The following KLHL29 variants were observed in gnomAD, a reference collection of about 807,000 sequenced individuals.
KLHL29 encodes the protein kelch-like protein 29.
Under a neutral mutation model 80.4 loss-of-function variants are expected in KLHL29, and 21 were observed. The observed-to-expected ratio is 0.26, with a 90% CI of 0.19 to 0.38. The LOEUF (loss-of-function observed/expected upper bound fraction) is 0.38, where lower values mean the gene tolerates loss of function less well. Ranked by LOEUF, KLHL29 falls within the 10% of genes least tolerant of loss-of-function variation. The pLI is 1.00. For synonymous variants in KLHL29, 511 were observed against 526.8 expected (o/e 0.97, Z 0.41); for missense variants, 867 against 1,223.9 (o/e 0.71, Z 4.35).
intron 3 of KLHL29, among the ~76,000 whole-genome samples, chr2:23,629,084 G>C (rs543221512): frequency 6.6e-6 from 1 of 152,344 alleles, no homozygotes; most frequent in South Asian, 2.1e-4. Context: ...GGGCGGCGGG[G>C]CCTCTGAGCA....
chr2:23,535,719 G>A (rs4665604), intron 2 of KLHL29, among the ~76,000 whole-genome samples: 113,636 of 152,118 alleles, frequency 0.75, 43,269 homozygotes, highest in East Asian at 0.9. Flanking sequence ...TCATAGAGAC[G>A]GAAAGTAGAA....
chr2:23,477,134 T>C (rs1664661719), intron 2 of KLHL29, among the ~76,000 whole-genome samples: 1 of 152,258 alleles, frequency 6.6e-6, no homozygotes, highest in Non-Finnish European at 1.5e-5. Flanking sequence ...CAGGGCCTAG[T>C]GCTGGGTGAG....
intron 3 of KLHL29, among the ~76,000 whole-genome samples, chr2:23,614,968 C>T (rs960963572): frequency 8.5e-5 from 13 of 152,190 alleles, no homozygotes; most frequent in Non-Finnish European, 1.5e-4. Flanking sequence ...TCAGCTCCGC[C>T]TCCAGCAAAA....
intron 3 of KLHL29, among the ~76,000 whole-genome samples, chr2:23,615,082 CCA>C (rs1668970502): frequency 6.6e-6 from 1 of 152,250 alleles, no homozygotes; most frequent in African/African-American, 2.4e-5. Context: ...GGCGCTTCTT[CCA>C]CGTCCTATCC....
At chr2:23,621,716 C>A (rs920973951) in intron 3 of KLHL29, among the ~76,000 whole-genome samples, 1 of 152,144 alleles carries the variant, frequency 6.6e-6, no homozygotes, top group Non-Finnish European at 1.5e-5. Context: ...AAGGCGCTGC[C>A]AAAATGAAGT....
rs186680171 is a variant in KLHL29 at position 23,503,172 on chromosome 2, C to T, written c.-46+27505C>T. Among the ~76,000 whole-genome samples, 2 of 152,328 alleles carry T rather than the reference C, an allele frequency of 1.3e-5. No individual in the cohort carries two copies. The highest frequency in any genetic ancestry group is 3.9e-4 in the East Asian group (2 of 5,188). ...AAAATGCACAGGGCTACGGCAAGGG[C>T]AGGCAGATCTGAGTGGAGGCTGCTG... On this transcript the variant is annotated intron_variant, in intron 2 of 13. Coordinates refer to ENST00000486442, the MANE Select transcript of KLHL29 (RefSeq NM_052920.2). This position sits in a 1 kb window ranked among gnomAD's most constrained non-coding sequence, Gnocchi z 4.0.
chr2:23,419,457 C>A (rs562012069), intron 1 of KLHL29, among the ~76,000 whole-genome samples: 20 of 151,680 alleles, frequency 1.3e-4, no homozygotes, highest in Non-Finnish European at 2.7e-4. Flanking sequence ...AGCCCACAGC[C>A]GGGGTGACTG....
chr2:23,393,665 G>T (rs1001228388), intron 1 of KLHL29, among the ~76,000 whole-genome samples: 9 of 152,094 alleles, frequency 5.9e-5, no homozygotes, highest in African/African-American at 2.2e-4. Context: ...TCTCGAGATG[G>T]GTGTGAATAG....
chr2:23,491,259 C>G (rs1486641158), intron 2 of KLHL29, among the ~76,000 whole-genome samples: 1 of 152,128 alleles, frequency 6.6e-6, no homozygotes, highest in Non-Finnish European at 1.5e-5. Flanking sequence ...GAGAGGCCCT[C>G]TGCAGGTGGG....
intron 3 of KLHL29, among the ~76,000 whole-genome samples, chr2:23,606,045 AG>A (rs1668713991): frequency 1.3e-5 from 2 of 152,100 alleles, no homozygotes; most frequent in African/African-American, 2.4e-5. Flanking sequence ...CTGGGATTAC[AG>A]GTGTGAGCCA....
intron 1 of KLHL29, among the ~76,000 whole-genome samples, chr2:23,465,150 G>A (rs76510819): frequency 0.028 from 4,256 of 152,264 alleles, 74 homozygotes; most frequent in Middle Eastern, 0.065. Flanking sequence ...TCGAGGTCTC[G>A]TACTGTGGCA....
rs146261803 is a variant in KLHL29 at position 23,502,997 on chromosome 2, C to T, written c.-46+27330C>T. On this transcript the variant is annotated intron_variant, in intron 2 of 13. Transcript: ENST00000486442. ...CTTTTTTCTTTTTCTTTTTTTTGGC[C>T]TGTCTTACCTACAGTTGTATTTTCC... Among the ~76,000 whole-genome samples, 445 of 152,086 alleles carry T rather than the reference C, an allele frequency of 2.9e-3. 1 individual carries two copies. Among genetic ancestry groups the T allele is most frequent in the African/African-American group, 0.01 (423 of 41,500 alleles).
rs546745640 is a variant in KLHL29 at position 23,561,787 on chromosome 2, G to A, written c.-45-365G>A. Among the ~76,000 whole-genome samples, 14 of 152,242 alleles carry A rather than the reference G, an allele frequency of 9.2e-5. No individual in the cohort carries two copies. The South Asian group carries it at 2.7e-3, about 29-fold the overall frequency. On this transcript the variant is annotated intron_variant, in intron 2 of 13. Coordinates refer to ENST00000486442, the MANE Select transcript of KLHL29 (RefSeq NM_052920.2). ...GTGTTGGAGGAAAACACGTCCTGAGGAGTTCACGGCTCTTTTTTCACGGTG... is the reference window on the plus strand; with the variant it reads ...GTGTTGGAGGAAAACACGTCCTGAGAAGTTCACGGCTCTTTTTTCACGGTG...
chr2:23,576,409 A>G (rs757832074), intron 3 of KLHL29, among the ~76,000 whole-genome samples: 1 of 152,112 alleles, frequency 6.6e-6, no homozygotes, highest in East Asian at 1.9e-4. Context: ...TGTACCCATA[A>G]CTCATATTAA....
At chr2:23,604,825 C>A (rs1668664295) in intron 3 of KLHL29, among the ~76,000 whole-genome samples, 1 of 152,216 alleles carries the variant, frequency 6.6e-6, no homozygotes, top group African/African-American at 2.4e-5. Flanking sequence ...TCCTTGCTGC[C>A]TGTCGGCCTG....
intron 13 of KLHL29, among the ~76,000 whole-genome samples, chr2:23,705,091 T>G (rs759780427): frequency 1.3e-5 from 2 of 152,238 alleles, no homozygotes; most frequent in African/African-American, 4.8e-5. Context: ...TGTACCCTAA[T>G]GGTGGCAGTG....
chr2:23,534,418 C>A (rs1157795119), intron 2 of KLHL29, among the ~76,000 whole-genome samples: 1 of 152,162 alleles, frequency 6.6e-6, no homozygotes, highest in Non-Finnish European at 1.5e-5. Context: ...GTCTTCCCAG[C>A]GTGGAATTTT....
chr2:23,575,202 C>T (rs976875885), intron 3 of KLHL29, among the ~76,000 whole-genome samples: 2 of 152,206 alleles, frequency 1.3e-5, no homozygotes, highest in African/African-American at 2.4e-5. Context: ...ACACCAGAGC[C>T]GTGGAGGAGC....
At chr2:23,626,098 A>C (rs1669301073) in intron 3 of KLHL29, among the ~76,000 whole-genome samples, 1 of 151,742 alleles carries the variant, frequency 6.6e-6, no homozygotes, top group African/African-American at 2.4e-5. Flanking sequence ...GGGTAGGAGG[A>C]GTTGGGGGGG....
Sources: gnomAD v4.1 joint callset for allele counts (sites outside exome capture counted in the v4.1 genomes callset) on GRCh38, gnomAD v4.1.1 for gene constraint, Gnocchi (gnomAD v3.1) non-coding constraint, MANE v1.5 for transcripts, NCBI Gene and HGNC (gene_info 2026-07-23, HGNC 2026-07-21) for gene names.